The following RAB3B variants were observed in gnomAD, a reference collection of about 807,000 sequenced individuals.
RAB3B encodes the protein ras-related protein Rab-3B.
In RAB3B, 11 loss-of-function variants were observed where a neutral mutation model predicts 20.5. The observed-to-expected ratio is 0.54, with a 90% CI of 0.34 to 0.89. RAB3B has a LOEUF of 0.89. Ranked by LOEUF, RAB3B falls within the 40% of genes least tolerant of loss-of-function variation. RAB3B has a pLI of 0.02. For missense variants in RAB3B, 225 were observed against 280.9 expected (o/e 0.80, Z 1.42); for synonymous variants, 99 against 106.3 (o/e 0.93, Z 0.42).
intron 2 of RAB3B, among the ~76,000 whole-genome samples, chr1:51,965,522 G>T (rs1385661147): frequency 1.3e-5 from 2 of 151,384 alleles, no homozygotes; most frequent in African/African-American, 2.4e-5. Context: ...TGGGGGGCAC[G>T]TGTAATCCCA....
rs1183009331 is a variant in RAB3B, at chr1:51,909,165, G to A, written c.*10762C>T. 6.6e-6 allele frequency: 1 copy of A among 152,100 alleles called. No homozygotes were observed. Among genetic ancestry groups the A allele is most frequent in the Non-Finnish European group, 1.5e-5 (1 of 68,044 alleles). The allele number at this position is 152,100 out of a possible 1,614,324, so 9.4% of individuals were successfully genotyped here. A position where few individuals can be genotyped will look rare whatever the true frequency, so the allele number is the denominator to read the frequency against. Reference sequence around the variant, plus strand: ...CATGCTGGCCCTGGTATTTCTAGATGAGGTTAGGTTCCTGGGACAGGAGTG... The same window carrying A: ...CATGCTGGCCCTGGTATTTCTAGATAAGGTTAGGTTCCTGGGACAGGAGTG... On this transcript the variant is annotated 3_prime_UTR_variant, in exon 5 of 5. Transcript: ENST00000371655.
chr1:51,961,279 G>A (rs1684780514), intron 2 of RAB3B, among the ~76,000 whole-genome samples: 1 of 152,144 alleles, frequency 6.6e-6, no homozygotes, highest in Non-Finnish European at 1.5e-5. Flanking sequence ...AGAGAGAGGA[G>A]GGCTGGTAGA....
intron 1 of RAB3B, among the ~76,000 whole-genome samples, chr1:51,983,726 G>A (rs951286848): frequency 8.0e-5 from 12 of 150,878 alleles, no homozygotes; most frequent in South Asian, 4.2e-4. Context: ...TTGTGAGGCC[G>A]AGGCAGGCGG....
intron 2 of RAB3B, among the ~76,000 whole-genome samples, chr1:51,966,536 C>T (rs536756159): frequency 4.6e-5 from 7 of 152,276 alleles, no homozygotes; most frequent in Non-Finnish European, 7.4e-5. Context: ...CTTCAATAGT[C>T]AATCAGGATG....
In RAB3B at chr1:51,945,146, A is replaced by T. The variant is rs142441367; in HGVS notation, c.229-7734T>A. 5.3e-3 allele frequency among the ~76,000 whole-genome samples: 810 copies of T among 152,236 alleles called. 13 individuals carry two copies. The highest frequency in any genetic ancestry group is 0.019 in the African/African-American group (788 of 41,540). ...TTAACACTCACTGAAGGCTCAGATG[A>T]TTGTTAGCATTTTTTAGCAATAAAG... On this transcript the variant is annotated intron_variant, in intron 2 of 4. Coordinates refer to ENST00000371655, the MANE Select transcript of RAB3B (RefSeq NM_002867.4).
intron 2 of RAB3B, among the ~76,000 whole-genome samples, chr1:51,963,138 C>T (rs1684805225): frequency 6.6e-6 from 1 of 152,162 alleles, no homozygotes; most frequent in African/African-American, 2.4e-5. Context: ...TGATCTCTGA[C>T]CCCACCTCAG....
intron 2 of RAB3B, among the ~76,000 whole-genome samples, chr1:51,974,410 T>C (rs1684980265): frequency 6.6e-6 from 1 of 152,170 alleles, no homozygotes; most frequent in African/African-American, 2.4e-5. Context: ...TCAATAGTTC[T>C]GAGGTGGGCC....
chr1:51,933,287 A>T (rs1212210229), intron 4 of RAB3B, 31 bp downstream of exon 4: 6 of 1,609,702 alleles, frequency 3.7e-6, no homozygotes, highest in Middle Eastern at 1.7e-4. Flanking sequence ...GTACAAATGC[A>T]CACATGCACA....
chr1:51,921,185 T>C (rs901565443), intron 4 of RAB3B, among the ~76,000 whole-genome samples: 5 of 152,112 alleles, frequency 3.3e-5, no homozygotes, highest in African/African-American at 1.2e-4. Flanking sequence ...CCACTTCTGT[T>C]GTCTGTCTGC....
chr1:51,919,844 G>A lies in RAB3B; in HGVS notation c.*83C>T, dbSNP rs1159291807. ...GGGCAGTGTGTAACAGGGAGAGTGGGCTGAGAGCGGACAGTGTGTAACAGG... is the reference window on the plus strand; with the variant it reads ...GGGCAGTGTGTAACAGGGAGAGTGGACTGAGAGCGGACAGTGTGTAACAGG... On this transcript the variant is annotated 3_prime_UTR_variant, in exon 5 of 5. Coordinates refer to ENST00000371655, the MANE Select transcript of RAB3B (RefSeq NM_002867.4). 6.0e-5 allele frequency: 81 copies of A among 1,352,558 alleles called. No homozygotes were observed. Among genetic ancestry groups the A allele is most frequent in the Non-Finnish European group, 6.9e-5 (68 of 989,164 alleles). The allele number at this position is 1,352,558 out of a possible 1,614,324, so 83.8% of individuals were successfully genotyped here.
chr1:51,955,712 T>C (rs2124282171), intron 2 of RAB3B, among the ~76,000 whole-genome samples: 1 of 152,272 alleles, frequency 6.6e-6, no homozygotes, highest in East Asian at 1.9e-4. Flanking sequence ...AGGGACCTAT[T>C]TCTGAACTCA....
intron 2 of RAB3B, among the ~76,000 whole-genome samples, chr1:51,973,226 T>C (rs1482913827): frequency 6.6e-6 from 1 of 152,198 alleles, no homozygotes; most frequent in Non-Finnish European, 1.5e-5. Context: ...TATCTATATG[T>C]CTACTTCTAT....
intron 2 of RAB3B, among the ~76,000 whole-genome samples, chr1:51,957,520 C>T (rs949852062): frequency 3.3e-5 from 5 of 152,174 alleles, no homozygotes; most frequent in Admixed American, 2.6e-4. Flanking sequence ...CAGTTGCTGT[C>T]TTTGACTTTC....
At chr1:51,988,904 A>G (rs962053113) in intron 1 of RAB3B, among the ~76,000 whole-genome samples, 2 of 151,962 alleles carry the variant, frequency 1.3e-5, no homozygotes, top group Non-Finnish European at 2.9e-5. Flanking sequence ...TCTGATAGGA[A>G]CACACTTTCC....
chr1:51,986,016 A>C (rs1250825969), intron 1 of RAB3B, among the ~76,000 whole-genome samples: 1 of 152,120 alleles, frequency 6.6e-6, no homozygotes, highest in Non-Finnish European at 1.5e-5. Context: ...GTGAATAAAG[A>C]AGCATCCTGG....
chr1:51,925,176 C>T (rs1684228051), intron 4 of RAB3B, among the ~76,000 whole-genome samples: 2 of 152,196 alleles, frequency 1.3e-5, no homozygotes, highest in African/African-American at 2.4e-5. Flanking sequence ...GAACATGTCT[C>T]CTCCACGGTT....
At chr1:51,959,106 A>T (rs1302219036) in intron 2 of RAB3B, among the ~76,000 whole-genome samples, 3 of 152,188 alleles carry the variant, frequency 2.0e-5, no homozygotes, top group African/African-American at 7.2e-5. Flanking sequence ...GTTAGTATGG[A>T]AAGTTAAGGA....
intron 3 of RAB3B, among the ~76,000 whole-genome samples, chr1:51,934,157 T>C (rs1557965029): frequency 1.3e-5 from 2 of 152,218 alleles, no homozygotes; most frequent in Non-Finnish European, 2.9e-5. Context: ...TCAAGATCAC[T>C]CATGCTGTGT....
chr1:51,921,987 C>T (rs1684178764), intron 4 of RAB3B, among the ~76,000 whole-genome samples: 1 of 152,198 alleles, frequency 6.6e-6, no homozygotes, highest in Non-Finnish European at 1.5e-5. Context: ...TTCCTGCCAG[C>T]CCACCTCCAG....
Sources: allele counts gnomAD v4.1 joint callset (sites outside exome capture counted in the v4.1 genomes callset), GRCh38; gene constraint gnomAD v4.1.1; transcripts MANE v1.5; gene names NCBI Gene and HGNC (gene_info 2026-07-23, HGNC 2026-07-21).